The following AKAP6 variants were observed in gnomAD, a reference collection of about 807,000 sequenced individuals.
AKAP6 encodes the protein A-kinase anchor protein 6.
AKAP6 carries 58 observed loss-of-function variants against 188.5 expected under a neutral mutation model. The ratio of observed to expected loss-of-function variants is 0.31; its 90% CI spans 0.25 to 0.38. AKAP6 has a LOEUF of 0.38. Ranked by LOEUF, AKAP6 falls within the 10% of genes least tolerant of loss-of-function variation. The pLI is 1.00. For missense variants in AKAP6, 2,710 were observed against 2,740.0 expected (o/e 0.99, Z 0.24); for synonymous variants, 989 against 998.6 (o/e 0.99, Z 0.18).
chr14:32,486,944 G>T (rs575970496), intron 2 of AKAP6, among the ~76,000 whole-genome samples: 2 of 152,172 alleles, frequency 1.3e-5, no homozygotes, highest in East Asian at 3.9e-4. Flanking sequence ...TATGATATTG[G>T]CTGTGGGTTC....
At chr14:32,751,073 G>C (rs2032118802) in intron 11 of AKAP6, among the ~76,000 whole-genome samples, 1 of 152,112 alleles carries the variant, frequency 6.6e-6, no homozygotes, top group Non-Finnish European at 1.5e-5. Flanking sequence ...GGGCAAGATA[G>C]TGGGACTGGG....
intron 11 of AKAP6, among the ~76,000 whole-genome samples, chr14:32,758,469 C>T (rs149796429): frequency 4.9e-4 from 74 of 152,340 alleles, no homozygotes; most frequent in African/African-American, 1.7e-3. Flanking sequence ...TGCAATGGCT[C>T]ACGCCTGTAA....
chr14:32,587,191 TA>T (rs1885289809), intron 5 of AKAP6, among the ~76,000 whole-genome samples: 1 of 151,306 alleles, frequency 6.6e-6, no homozygotes, highest in South Asian at 2.1e-4. Flanking sequence ...GAACTATTTT[TA>T]AAATTCTTAG....
intron 5 of AKAP6, among the ~76,000 whole-genome samples, chr14:32,591,303 A>T (rs1885475114): frequency 6.6e-6 from 1 of 152,196 alleles, no homozygotes; most frequent in Non-Finnish European, 1.5e-5. Flanking sequence ...GAATGTGATT[A>T]CCTGTGTCAG....
chr14:32,355,797 C>T (rs1253485714), intron 1 of AKAP6, among the ~76,000 whole-genome samples: 1 of 150,262 alleles, frequency 6.7e-6, no homozygotes, highest in African/African-American at 2.5e-5. Context: ...TTTTTTGAGA[C>T]AAGTTCTTGC....
At chr14:32,329,459 T>C (rs1886461707) in intron 1 of AKAP6, 51 bp downstream of exon 1, 1 of 152,090 alleles carries the variant, frequency 6.6e-6, no homozygotes, top group African/African-American at 2.4e-5. Flanking sequence ...TGTTGGTTAG[T>C]CGGTGTCTGC....
intron 1 of AKAP6, among the ~76,000 whole-genome samples, chr14:32,347,645 A>G (rs778555092): frequency 1.3e-5 from 2 of 152,244 alleles, no homozygotes; most frequent in African/African-American, 2.4e-5. Flanking sequence ...GAGTGGGGAT[A>G]AGACACTGAA....
intron 2 of AKAP6, among the ~76,000 whole-genome samples, chr14:32,498,388 T>C (rs1347186451): frequency 6.6e-6 from 1 of 152,108 alleles, no homozygotes; most frequent in Non-Finnish European, 1.5e-5. Flanking sequence ...TATAGATACC[T>C]TAAAAATTAA....
chr14:32,598,961 T>A (rs1885812654), intron 5 of AKAP6, among the ~76,000 whole-genome samples: 1 of 152,174 alleles, frequency 6.6e-6, no homozygotes, highest in Non-Finnish European at 1.5e-5. Context: ...GAAACAGAAC[T>A]GAATCAAACC....
At chr14:32,557,434 A>G (rs1883739016) in intron 4 of AKAP6, among the ~76,000 whole-genome samples, 1 of 152,166 alleles carries the variant, frequency 6.6e-6, no homozygotes, top group African/African-American at 2.4e-5. Context: ...CTGTCTAGCC[A>G]TTATTTACTG....
chr14:32,683,807 G>C (rs1274289767), intron 8 of AKAP6, among the ~76,000 whole-genome samples: 1 of 152,196 alleles, frequency 6.6e-6, no homozygotes, highest in African/African-American at 2.4e-5. Context: ...GTGGAGAACA[G>C]ATTGGTTAGG....
At position 32,778,758 on chromosome 14, in the gene AKAP6, G is replaced by A. The variant is rs539022751; in HGVS notation, c.3588+4865G>A. Among the ~76,000 whole-genome samples, 3 of 148,824 alleles carry A rather than the reference G, an allele frequency of 2.0e-5. No individual in the cohort carries two copies. In the Admixed American group the frequency reaches 2.0e-4, roughly 10 times the overall value. On this transcript the variant is annotated intron_variant, in intron 12 of 13. Coordinates refer to ENST00000280979, the MANE Select transcript of AKAP6 (RefSeq NM_004274.5). Reference sequence around the variant, plus strand: ...GATGGGATCTCGCTATGTTGCGCAGGCTAGTCTCAAACTCCTGGCCTCAAG... The same window carrying A: ...GATGGGATCTCGCTATGTTGCGCAGACTAGTCTCAAACTCCTGGCCTCAAG...
intron 11 of AKAP6, among the ~76,000 whole-genome samples, chr14:32,767,123 T>G (rs999973892): frequency 6.6e-6 from 1 of 152,158 alleles, no homozygotes; most frequent in African/African-American, 2.4e-5. Context: ...TTGAAAGGTA[T>G]CTTATATTTA....
intron 11 of AKAP6, among the ~76,000 whole-genome samples, chr14:32,746,318 C>T (rs78474246): frequency 0.014 from 2,104 of 152,204 alleles, 49 homozygotes; most frequent in African/African-American, 0.048. Context: ...CATCCAAGGC[C>T]CTCTACATAG....
At chr14:32,386,271 A>G (rs910223955) in intron 1 of AKAP6, among the ~76,000 whole-genome samples, 1 of 151,804 alleles carries the variant, frequency 6.6e-6, no homozygotes, top group Admixed American at 6.6e-5. Context: ...AACATCTATT[A>G]TTTTTTTATT....
chr14:32,726,428 G>A (rs773202525), intron 9 of AKAP6, among the ~76,000 whole-genome samples: 49 of 152,094 alleles, frequency 3.2e-4, no homozygotes, highest in Non-Finnish European at 5.6e-4. Context: ...ATTTGGGAGC[G>A]TTTTGTTTAA....
intron 12 of AKAP6, among the ~76,000 whole-genome samples, chr14:32,801,207 TTTC>T (rs1251845690): frequency 6.6e-6 from 1 of 152,196 alleles, no homozygotes; most frequent in Non-Finnish European, 1.5e-5. Context: ...GCATTTGTTC[TTTC>T]TTTTTTCCTT....
At chr14:32,392,197 A>G (rs1888737554) in intron 1 of AKAP6, among the ~76,000 whole-genome samples, 1 of 152,242 alleles carries the variant, frequency 6.6e-6, no homozygotes, top group Non-Finnish European at 1.5e-5. Flanking sequence ...AGAATTGCAC[A>G]CAATGTTCTT....
intron 7 of AKAP6, among the ~76,000 whole-genome samples, chr14:32,677,233 T>C (rs1393501554): frequency 6.6e-6 from 1 of 152,200 alleles, no homozygotes; most frequent in Non-Finnish European, 1.5e-5. Context: ...TAGTCGAGGC[T>C]ATAAAACTAG....
Sources: gnomAD v4.1 joint callset for allele counts (sites outside exome capture counted in the v4.1 genomes callset) on GRCh38, gnomAD v4.1.1 for gene constraint, MANE v1.5 for transcripts, NCBI Gene and HGNC (gene_info 2026-07-23, HGNC 2026-07-21) for gene names.